The following KIFAP3 variants were observed in gnomAD, a reference collection of about 807,000 sequenced individuals.
KIFAP3 encodes kinesin associated protein 3, also known as kinesin-associated protein 3.
KIFAP3 carries 68 observed loss-of-function variants against 106.5 expected under a neutral mutation model. The observed-to-expected ratio is 0.64, with a 90% CI of 0.53 to 0.78. The LOEUF (loss-of-function observed/expected upper bound fraction) is 0.78, where lower values mean the gene tolerates loss of function less well. Ranked by LOEUF, KIFAP3 falls within the 30% of genes least tolerant of loss-of-function variation. The pLI, the probability that KIFAP3 is intolerant of heterozygous loss-of-function variation, is 0.00. For missense variants in KIFAP3, 780 were observed against 941.8 expected (o/e 0.83, Z 2.25); for synonymous variants, 320 against 311.5 (o/e 1.03, Z -0.29).
Position 170,074,541 on chromosome 1 carries a change from C to T in KIFAP3, c.-74G>A. 4.4e-6 allele frequency: 7 copies of T among 1,606,564 alleles called. No individual in the cohort carries two copies. The Admixed American group carries it at 8.5e-5, about 19-fold the overall frequency. On this transcript the variant is annotated 5_prime_UTR_variant, in exon 1 of 20. Transcript: ENST00000361580. ...GCGCGGTTATTTCCGGGGACGGTGG[C>T]CAAAGTACCCTCACACCCAGAGGCG...
intron 3 of KIFAP3, among the ~76,000 whole-genome samples, chr1:170,040,471 C>T (rs1175491127): frequency 6.6e-6 from 1 of 151,964 alleles, no homozygotes; most frequent in Non-Finnish European, 1.5e-5. Flanking sequence ...TTCTGGGGAG[C>T]AAGATAAAAC....
At chr1:170,022,267 A>T (rs1301815848) in intron 9 of KIFAP3, among the ~76,000 whole-genome samples, 1 of 152,042 alleles carries the variant, frequency 6.6e-6, no homozygotes, top group Non-Finnish European at 1.5e-5. Context: ...GTCTATTTCT[A>T]TAACACACAA....
At chr1:170,056,073 A>G (rs955767119) in intron 1 of KIFAP3, among the ~76,000 whole-genome samples, 2 of 152,006 alleles carry the variant, frequency 1.3e-5, no homozygotes, top group African/African-American at 4.8e-5. Context: ...GTGCCACTGC[A>G]CTACAGCCTG....
rs1330372 is a variant in KIFAP3 at position 170,058,102 on chromosome 1, T to G, written c.33-2666A>C. 1.0e-3 allele frequency among the ~76,000 whole-genome samples: 159 copies of G among 152,146 alleles called. 2 individuals are homozygous for G. The highest frequency in any genetic ancestry group is 1.3e-3 in the Non-Finnish European group (87 of 67,950). Reference sequence around the variant, plus strand: ...TATTAACTTCTGAAGTACATCCTTATGTTCCTAGATTTCATGTGGTTAGAG... The same window carrying G: ...TATTAACTTCTGAAGTACATCCTTAGGTTCCTAGATTTCATGTGGTTAGAG... On this transcript the variant is annotated intron_variant, in intron 1 of 19. Coordinates refer to ENST00000361580, the MANE Select transcript of KIFAP3 (RefSeq NM_014970.4).
At chr1:170,075,083 T>C (rs1378981514), upstream of KIFAP3, among the ~76,000 whole-genome samples, 1 of 152,186 alleles carries the variant, frequency 6.6e-6, no homozygotes, top group East Asian at 1.9e-4. Context: ...AGTCTGTCAC[T>C]TTGATGTCTT....
At chr1:169,981,595 GA>G (rs762504436) in intron 15 of KIFAP3, among the ~76,000 whole-genome samples, 3 of 151,086 alleles carry the variant, frequency 2.0e-5, no homozygotes, top group Non-Finnish European at 3.0e-5. Context: ...GGTATGTTTA[GA>G]AAAAAAAAGT....
chr1:170,081,288 T>A (rs1233231035), intron 1 of KIFAP3, among the ~76,000 whole-genome samples: 1 of 152,218 alleles, frequency 6.6e-6, no homozygotes, highest in Non-Finnish European at 1.5e-5. Flanking sequence ...AAGCACATAG[T>A]GACTCAACTT....
intron 17 of KIFAP3, among the ~76,000 whole-genome samples, chr1:169,966,373 C>T (rs1465000553): frequency 1.3e-5 from 2 of 150,238 alleles, no homozygotes; most frequent in Non-Finnish European, 3.0e-5. Flanking sequence ...GATGAATCTA[C>T]TACATTGGCA....
At chr1:169,968,653 T>C (rs1558205287) in intron 17 of KIFAP3, among the ~76,000 whole-genome samples, 1 of 151,938 alleles carries the variant, frequency 6.6e-6, no homozygotes, top group East Asian at 1.9e-4. Flanking sequence ...TTAACATACA[T>C]AATAAAGTTG....
chr1:170,050,341 T>C (rs1670506801), intron 2 of KIFAP3, among the ~76,000 whole-genome samples: 1 of 152,140 alleles, frequency 6.6e-6, no homozygotes, highest in African/African-American at 2.4e-5. Flanking sequence ...TATGGGACTA[T>C]GTGAAAAGAT....
intron 1 of KIFAP3, among the ~76,000 whole-genome samples, chr1:170,056,758 T>C (rs899148327): frequency 6.6e-5 from 10 of 151,942 alleles, no homozygotes; most frequent in Admixed American, 4.6e-4. Context: ...AGGGTTATGA[T>C]TAACAGTCAA....
chr1:169,998,393 TATATATACACACACACACAC>T (rs1366511037), intron 10 of KIFAP3, among the ~76,000 whole-genome samples: 1 of 108,806 alleles, frequency 9.2e-6, no homozygotes, highest in African/African-American at 3.3e-5. Context: ...TATATATATA[TATATATACACACACACACAC>T]ACACACACAC....
intron 19 of KIFAP3, among the ~76,000 whole-genome samples, chr1:169,925,391 A>T (rs1663079684): frequency 6.6e-6 from 1 of 152,070 alleles, no homozygotes; most frequent in Non-Finnish European, 1.5e-5. Context: ...ATCTCCCAAG[A>T]ACAATTATTT....
rs191807386 is a variant in KIFAP3, at chr1:169,982,044, A to T, written c.1726T>A (p.Ser576Thr). ...LEVVIMIGTV[S>T]MDDSCAALLA... ...AATGCAGCACAAGAGTCATCCATGGATACAGTTCCAATCATTATAACCACT... is the reference window on the plus strand; with the variant it reads ...AATGCAGCACAAGAGTCATCCATGGTTACAGTTCCAATCATTATAACCACT... Residue 576 changes from serine to threonine, a missense_variant, in exon 15 of 20, where the codon TCC (serine) becomes ACC (threonine). Transcript: ENST00000361580. 8.5e-5 allele frequency: 137 copies of T among 1,613,358 alleles called. 2 individuals carry two copies. The South Asian group carries it at 1.1e-3, about 13-fold the overall frequency.
chr1:170,038,514 C>T, intron 4 of KIFAP3, 83 bp from the exon 5 acceptor site: 1 of 1,367,826 alleles, frequency 7.3e-7, no homozygotes, highest in Non-Finnish European at 1.0e-6. Flanking sequence ...GATCAATATA[C>T]TGGCCTTTAT....
chr1:169,984,194 G>T (rs899484398), intron 12 of KIFAP3, among the ~76,000 whole-genome samples: 1 of 151,414 alleles, frequency 6.6e-6, no homozygotes, highest in Admixed American at 6.6e-5. Flanking sequence ...AAAAACTATC[G>T]GGCAGACTCT....
chr1:170,043,868 A>G (rs1670107816), intron 3 of KIFAP3, among the ~76,000 whole-genome samples: 1 of 152,188 alleles, frequency 6.6e-6, no homozygotes, highest in African/African-American at 2.4e-5. Flanking sequence ...GGTTCCCCCA[A>G]TATTAAAGGG....
chr1:170,067,416 T>A (rs1671499941), intron 1 of KIFAP3: 1 of 152,186 alleles, frequency 6.6e-6, no homozygotes, highest in Admixed American at 6.5e-5. Flanking sequence ...TGGAAGACAG[T>A]CAAAGGTTTA....
At chr1:170,010,190 T>C (rs1172658527) in intron 10 of KIFAP3, among the ~76,000 whole-genome samples, 3 of 151,956 alleles carry the variant, frequency 2.0e-5, no homozygotes, top group Non-Finnish European at 4.4e-5. Context: ...AATTTGGCAA[T>C]ATTTAAGAGA....
Sources: allele counts gnomAD v4.1 joint callset (sites outside exome capture counted in the v4.1 genomes callset), GRCh38; gene constraint gnomAD v4.1.1; transcripts MANE v1.5; gene names NCBI Gene and HGNC (gene_info 2026-07-23, HGNC 2026-07-21).